BMPR1B: variants seen among roughly 807,000 people sequenced by gnomAD.
BMPR1B encodes bone morphogenetic protein receptor type 1B.
Under a neutral mutation model 59.1 loss-of-function variants are expected in BMPR1B, and 12 were observed. The ratio of observed to expected loss-of-function variants is 0.20; its 90% confidence interval spans 0.13 to 0.33. BMPR1B has a LOEUF of 0.33. BMPR1B is among the 10% of genes least tolerant of loss of function. BMPR1B has a pLI of 1.00. For synonymous variants in BMPR1B, 237 were observed against 207.3 expected, an observed-to-expected ratio of 1.14 and a Z score of -1.23; for missense variants, 550 against 610.9, an observed-to-expected ratio of 0.90 and a Z score of 1.05.
chr4:94,865,553 G>A (rs1442380245), intron 1 of BMPR1B, among the ~76,000 whole-genome samples: 1 of 151,724 alleles, frequency 6.6e-6, no homozygotes, highest in Non-Finnish European at 1.5e-5. Flanking sequence ...GCCACCCCTG[G>A]CTAATTTTTT....
At chr4:95,101,838 T>C (rs1404850138) in intron 3 of BMPR1B, among the ~76,000 whole-genome samples, 4 of 152,182 alleles carry the variant, frequency 2.6e-5, no homozygotes, top group African/African-American at 9.6e-5. Context: ...ACAGCAATTT[T>C]GATCCTGTAG....
chr4:94,758,130 G>C (rs902069379), intron 1 of BMPR1B, 62 bp downstream of exon 1: 1 of 149,584 alleles, frequency 6.7e-6, no homozygotes, highest in Non-Finnish European at 1.5e-5. Context: ...GCGCGCGGGA[G>C]GCGGCCGAGC....
chr4:94,870,713 A>G (rs560209144), intron 1 of BMPR1B, among the ~76,000 whole-genome samples: 24 of 152,306 alleles, frequency 1.6e-4, no homozygotes, highest in African/African-American at 5.8e-4. Context: ...AGTCTTCAGC[A>G]AAAATTAGCC....
chr4:95,121,029 A>G (rs1417266617), intron 6 of BMPR1B, among the ~76,000 whole-genome samples: 1 of 152,082 alleles, frequency 6.6e-6, no homozygotes, highest in African/African-American at 2.4e-5. Context: ...GCTGGTCTTG[A>G]ACTCCTGAAC....
At chr4:94,834,695 A>G (rs1400885501) in intron 1 of BMPR1B, among the ~76,000 whole-genome samples, 1 of 152,146 alleles carries the variant, frequency 6.6e-6, no homozygotes, top group Non-Finnish European at 1.5e-5. Context: ...GTTCACCAGG[A>G]TGGGAGTGTT....
rs1230977711 is a variant in BMPR1B, at chr4:94,996,060, A to G, written c.-92A>G. 1 of 152,224 alleles carries G rather than the reference A, an allele frequency of 6.6e-6. No homozygotes were observed. Among genetic ancestry groups the G allele is most frequent in the Non-Finnish European group, 1.5e-5 (1 of 68,036 alleles). 9.4% of individuals were successfully genotyped at this position (152,224 alleles called of 1,614,324 possible). A position where few individuals can be genotyped will look rare whatever the true frequency, so the allele number is the denominator to read the frequency against. ...GTCAGGTTCAGACTTCTGCTGATTCATAACCATTTGGCTCTGAGCTATGAC... is the reference window on the plus strand; with the variant it reads ...GTCAGGTTCAGACTTCTGCTGATTCGTAACCATTTGGCTCTGAGCTATGAC... On this transcript the variant is annotated 5_prime_UTR_variant, in exon 3 of 13. Coordinates refer to ENST00000515059, the MANE Select transcript of BMPR1B (RefSeq NM_001203.3).
intron 1 of BMPR1B, among the ~76,000 whole-genome samples, chr4:94,841,038 T>C: frequency 6.8e-6 from 1 of 147,604 alleles, no homozygotes; most frequent in East Asian, 1.9e-4. Context: ...GGTGTCAGTG[T>C]GCCCCTGCTA....
At chr4:94,851,167 T>A (rs1480739747) in intron 1 of BMPR1B, among the ~76,000 whole-genome samples, 1 of 152,192 alleles carries the variant, frequency 6.6e-6, no homozygotes, top group Non-Finnish European at 1.5e-5. Flanking sequence ...CAGTAGAGTC[T>A]GCAAATTTCA....
intron 1 of BMPR1B, among the ~76,000 whole-genome samples, chr4:94,760,609 C>A (rs1406262876): frequency 6.6e-6 from 1 of 152,190 alleles, no homozygotes; most frequent in Non-Finnish European, 1.5e-5. Context: ...TTTTCAGAAG[C>A]CCCCTCACCA....
At chr4:94,843,157 A>G (rs763098259) in intron 1 of BMPR1B, among the ~76,000 whole-genome samples, 8 of 152,240 alleles carry the variant, frequency 5.3e-5, no homozygotes, top group Admixed American at 2.0e-4. Flanking sequence ...TAGTTAGTAA[A>G]TACTCAAGCT....
chr4:94,924,217 G>T (rs558182552), intron 2 of BMPR1B, among the ~76,000 whole-genome samples: 1 of 152,172 alleles, frequency 6.6e-6, no homozygotes, highest in East Asian at 1.9e-4. Flanking sequence ...CTATTCTATT[G>T]GCTGAATTAT....
intron 3 of BMPR1B, among the ~76,000 whole-genome samples, chr4:95,076,530 T>C (rs1293350993): frequency 5.3e-5 from 8 of 152,120 alleles, no homozygotes; most frequent in Admixed American, 5.2e-4. Flanking sequence ...CAAACTGTTC[T>C]AGGTACTAAA....
At chr4:94,910,329 AT>A (rs1728225531) in intron 2 of BMPR1B, among the ~76,000 whole-genome samples, 2 of 152,030 alleles carry the variant, frequency 1.3e-5, no homozygotes, top group Non-Finnish European at 2.9e-5. Flanking sequence ...CCCATGCAAT[AT>A]TTTTTCCTCT....
chr4:94,914,748 T>G (rs1728419237), intron 2 of BMPR1B, among the ~76,000 whole-genome samples: 1 of 152,074 alleles, frequency 6.6e-6, no homozygotes, highest in African/African-American at 2.4e-5. Flanking sequence ...AGGAGTCAAT[T>G]AGGGAAATGG....
chr4:94,956,218 T>G (rs1730136694), intron 2 of BMPR1B, among the ~76,000 whole-genome samples: 1 of 152,204 alleles, frequency 6.6e-6, no homozygotes, highest in East Asian at 1.9e-4. Context: ...TTCACCTGTT[T>G]GTTTCTTTTT....
intron 3 of BMPR1B, among the ~76,000 whole-genome samples, chr4:95,033,948 A>G (rs185318479): frequency 1.9e-3 from 287 of 152,270 alleles, no homozygotes; most frequent in Non-Finnish European, 3.0e-3. Flanking sequence ...AGAGGAAGCA[A>G]TTATTTCTGC....
chr4:95,117,996 A>G (rs1203202477), intron 6 of BMPR1B, among the ~76,000 whole-genome samples: 1 of 152,106 alleles, frequency 6.6e-6, no homozygotes, highest in African/African-American at 2.4e-5. Context: ...CAGTGTGGAG[A>G]TGAGGATGCA....
rs540590327 is a variant in BMPR1B, at chr4:94,781,802, A to C, written c.-183+23734A>C. Among the ~76,000 whole-genome samples, 3 of 152,222 alleles carry C rather than the reference A, an allele frequency of 2.0e-5. No homozygotes were observed. In the East Asian group the frequency reaches 5.8e-4, roughly 29 times the overall value. On this transcript the variant is annotated intron_variant, in intron 1 of 12. Transcript: ENST00000515059. ...TCATGGTTGATGGTTTTTTTCTTTT[A>C]GCACTTTGAACATTATTTTCCTGGT...
At chr4:94,922,412 A>G (rs544762139) in intron 2 of BMPR1B, among the ~76,000 whole-genome samples, 1 of 152,278 alleles carries the variant, frequency 6.6e-6, no homozygotes, top group Admixed American at 6.5e-5. Context: ...GCAATGTTTA[A>G]TGGATAAAGC....
Sources: allele counts gnomAD v4.1 joint callset (sites outside exome capture counted in the v4.1 genomes callset), GRCh38; gene constraint gnomAD v4.1.1; transcripts MANE v1.5; gene names NCBI Gene and HGNC (gene_info 2026-07-23, HGNC 2026-07-21).